The following ZNF177 variants were observed in gnomAD, a reference collection of about 807,000 sequenced individuals.
ZNF177 encodes zinc finger protein 177.
A neutral mutation model predicts 19.4 loss-of-function variants in ZNF177; 17 were observed. That is an observed-to-expected ratio of 0.87 (90% CI 0.60 to 1.31). The LOEUF (loss-of-function observed/expected upper bound fraction) is 1.31, where lower values mean the gene tolerates loss of function less well. Ranked by LOEUF, ZNF177 falls within the 40% of genes most tolerant of loss-of-function variation. ZNF177 has a pLI of 0.00. For missense variants in ZNF177, 633 were observed against 561.8 expected, an observed-to-expected ratio of 1.13 and a Z score of -1.28; for synonymous variants, 220 against 188.7, an observed-to-expected ratio of 1.17 and a Z score of -1.36.
At chr19:9,381,908 G>T in exon 6 of ZNF177, 1 of 1,343,594 alleles carries the variant, frequency 7.4e-7, no homozygotes, top group Non-Finnish European at 1.0e-6. Flanking sequence ...GTTATACTGG[G>T]ACAAACCTTA....
At chr19:9,378,214 C>A in intron 1 of ZNF177, 45 bp from the exon 4 acceptor site, 1 of 1,527,360 alleles carries the variant, frequency 6.5e-7, no homozygotes, top group Non-Finnish European at 8.8e-7. Flanking sequence ...TAGTGTTGAA[C>A]ATCTAGCAGG....
In ZNF177 at chr19:9,379,774, C is replaced by A. The variant is rs769988088; in HGVS notation, c.253+155C>A. The A allele has an allele frequency of 5.1e-6, 5 of 971,038 alleles. No homozygotes were observed. In the Admixed American group the frequency reaches 1.3e-4, roughly 25 times the overall value. 60.2% of individuals were successfully genotyped at this position (971,038 alleles called of 1,614,324 possible). A position where few individuals can be genotyped will look rare whatever the true frequency, so the allele number is the denominator to read the frequency against. The stretch of plus-strand genomic sequence containing the variant: ...ATCGTTCATACGTTCATTTGGTCTC[C>A]GAGAAAGAAGTTTTAATTCCTCTTT... On this transcript the variant is annotated intron_variant, in intron 4 of 5. Coordinates refer to ENST00000589262, the Ensembl canonical transcript of ZNF177.
intron 4 of ZNF177, 53 bp from the exon 7 acceptor site, chr19:9,380,004 T>C: frequency 6.3e-7 from 1 of 1,583,202 alleles, no homozygotes; most frequent in Non-Finnish European, 8.6e-7. Flanking sequence ...TCCCTTTTTC[T>C]TTGATCCCAA....
At chr19:9,382,329 T>C (rs949893441), downstream of ZNF177, 3 of 398,978 alleles carry the variant, frequency 7.5e-6, no homozygotes, top group African/African-American at 2.1e-5. Context: ...TGGGAATATC[T>C]CATCTGGTGT....
intron 2 of ZNF177, 173 bp downstream of exon 4, chr19:9,378,517 A>G: frequency 9.7e-7 from 1 of 1,028,358 alleles, no homozygotes; most frequent in East Asian, 2.7e-5. Flanking sequence ...CTGTTCCCAC[A>G]TTTGTTAACT....
At chr19:9,368,803 G>A (rs1189552534) in intron 2 of ZNF177, among the ~76,000 whole-genome samples, 2 of 151,858 alleles carry the variant, frequency 1.3e-5, no homozygotes, top group Non-Finnish European at 2.9e-5. Context: ...ACTTTTTTCT[G>A]TTTGCTTGAA....
chr19:9,375,714 T>G (rs1229405391), upstream of ZNF177, among the ~76,000 whole-genome samples: 1 of 152,200 alleles, frequency 6.6e-6, no homozygotes, highest in Non-Finnish European at 1.5e-5. Context: ...CTTGTCTATT[T>G]TAATCTTAAG....
intron 2 of ZNF177, among the ~76,000 whole-genome samples, chr19:9,371,362 T>C (rs2068045439): frequency 6.6e-6 from 1 of 152,218 alleles, no homozygotes. Context: ...CACTGATTTA[T>C]TGAAGAAATA....
chr19:9,380,655 C>G lies in ZNF177; in HGVS notation c.337-13C>G, dbSNP rs1261212897. Reference sequence around the variant, plus strand: ...AAAAAGCCTCTAGTCACCACTTACTCCCTTTTCAACAGGCAGAAAATCAAC... The same window carrying G: ...AAAAAGCCTCTAGTCACCACTTACTGCCTTTTCAACAGGCAGAAAATCAAC... On this transcript the variant is annotated splice_polypyrimidine_tract_variant and intron_variant, in intron 5 of 5. Transcript: ENST00000589262. 2.6e-6 allele frequency: 4 copies of G among 1,535,754 alleles called. No homozygotes were observed. Among genetic ancestry groups the G allele is most frequent in the Non-Finnish European group, 3.5e-6 (4 of 1,146,798 alleles).
chr19:9,378,209 T>G (rs1291472849), intron 1 of ZNF177, 50 bp from the exon 4 acceptor site: 1 of 1,517,244 alleles, frequency 6.6e-7, no homozygotes, highest in Non-Finnish European at 8.8e-7. Context: ...CCTGCTAGTG[T>G]TGAACATCTA....
intron 1 of ZNF177, 122 bp from the exon 4 acceptor site, chr19:9,378,137 G>A (rs2068138166): frequency 1.2e-6 from 1 of 840,428 alleles, no homozygotes; most frequent in Admixed American, 3.6e-5. Flanking sequence ...TGGATAAGGA[G>A]GCAAATTGTA....
chr19:9,371,460 T>G (rs1353227400), upstream of ZNF177: 1 of 152,216 alleles, frequency 6.6e-6, no homozygotes, highest in Non-Finnish European at 1.5e-5. Flanking sequence ...ATCTTTGTAT[T>G]TCTTATAAAG....
chr19:9,379,943 C>G (rs1378234511), intron 4 of ZNF177, 114 bp from the exon 7 acceptor site: 2 of 1,236,426 alleles, frequency 1.6e-6, no homozygotes, highest in Non-Finnish European at 2.2e-6. Flanking sequence ...TTCTTTCTTA[C>G]ATTTCTCTAC....
chr19:9,381,585 C>A, exon 6 of ZNF177: 1 of 1,614,146 alleles, frequency 6.2e-7, no homozygotes. Context: ...AGAGAACTCA[C>A]ACTGGTGAGA....
At chr19:9,377,040 A>G (rs2068119034) in intron 1 of ZNF177, among the ~76,000 whole-genome samples, 1 of 152,136 alleles carries the variant, frequency 6.6e-6, no homozygotes, top group Admixed American at 6.5e-5. Flanking sequence ...GGCAGGTAAA[A>G]CATTCTTGGT....
At chr19:9,367,058 C>T (rs1442249616) in intron 2 of ZNF177, among the ~76,000 whole-genome samples, 11 of 152,210 alleles carry the variant, frequency 7.2e-5, no homozygotes, top group African/African-American at 2.7e-4. Context: ...TGGTGGCTCA[C>T]GCCTGTAATC....
upstream of ZNF177, among the ~76,000 whole-genome samples, chr19:9,373,898 C>G (rs1008076960): frequency 1.3e-5 from 2 of 151,874 alleles, no homozygotes; most frequent in Non-Finnish European, 2.9e-5. Context: ...CTTTGCTGTG[C>G]AGAAACTTTT....
intron 2 of ZNF177, among the ~76,000 whole-genome samples, chr19:9,370,202 C>A (rs1399108847): frequency 6.6e-6 from 1 of 152,098 alleles, no homozygotes. Flanking sequence ...AGTTGTCTCT[C>A]ATATCCATGG....
At chr19:9,374,688 A>C (rs1371986737), upstream of ZNF177, among the ~76,000 whole-genome samples, 1 of 117,954 alleles carries the variant, frequency 8.5e-6, no homozygotes, top group Non-Finnish European at 1.8e-5. Flanking sequence ...AAATACATTT[A>C]ATTTTTGTAT....
Sources: allele counts gnomAD v4.1 joint callset (sites outside exome capture counted in the v4.1 genomes callset), GRCh38; gene constraint gnomAD v4.1.1; transcripts MANE v1.5; gene names NCBI Gene and HGNC (gene_info 2026-07-23, HGNC 2026-07-21).